The following NLGN4X variants were observed in gnomAD, a reference collection of about 807,000 sequenced individuals.
The protein encoded by NLGN4X is neuroligin 4 X-linked, also known as neuroligin-4, X-linked.
Under a neutral mutation model 40.3 loss-of-function variants are expected in NLGN4X, and 3 were observed. The ratio of observed to expected loss-of-function variants is 0.07; its 90% confidence interval spans 0.03 to 0.19. NLGN4X has a LOEUF of 0.19. NLGN4X is among the 10% of genes least tolerant of loss of function. The probability of loss-of-function intolerance (pLI) is 1.00; values close to 1 mark genes in which losing one functional copy is unlikely to be tolerated. For synonymous variants in NLGN4X, 270 were observed against 306.8 expected (o/e 0.88, Z 1.25); for missense variants, 382 against 708.3 (o/e 0.54, Z 5.23).
intron 2 of NLGN4X, chrX:6,061,713 T>C (rs1009996705): frequency 2.6e-4 from 29 of 112,159 alleles, no homozygotes; most frequent in African/African-American, 8.7e-4. Flanking sequence ...ACTTTTTCCT[T>C]GCATCTGTAG....
In NLGN4X at chrX:6,032,202, AG is replaced by A. The variant is rs763672227; in HGVS notation, c.473-2771del. On this transcript the variant is annotated intron_variant, in intron 2 of 5. Transcript: ENST00000381095. ...TATGTTGGAATCAATATGTTTGTGA[AG>A]AAAAAAAAAACTGATATTTCAGCCC... 2.2e-3 allele frequency among the ~76,000 whole-genome samples: 194 copies of A among 88,927 alleles called. 2 individuals are homozygous for A. Among genetic ancestry groups the A allele is most frequent in the African/African-American group, 7.7e-3 (187 of 24,383 alleles). The allele number at this position is 88,927 out of a possible 115,157, so 77.2% of individuals were successfully genotyped here.
At chrX:5,959,961 C>T (rs193218096) in intron 3 of NLGN4X, among the ~76,000 whole-genome samples, 2 of 111,084 alleles carry the variant, frequency 1.8e-5, no homozygotes, top group African/African-American at 6.5e-5. Flanking sequence ...GTATGTCTAA[C>T]TTATTCCACT....
chrX:5,978,495 T>C (rs1049894599), intron 3 of NLGN4X, among the ~76,000 whole-genome samples: 1 of 111,092 alleles, frequency 9.0e-6, no homozygotes, highest in Non-Finnish European at 1.9e-5. Flanking sequence ...CTGAAGGCTC[T>C]TGTCTAATTT....
rs768441183 is a variant in NLGN4X, at chrX:6,028,253, T to C, written c.625+1027A>G. Among the ~76,000 whole-genome samples the C allele has an allele frequency of 2.7e-5, 3 of 112,224 alleles. No homozygotes were observed. In the South Asian group the frequency reaches 1.1e-3, roughly 42 times the overall value. On this transcript the variant is annotated intron_variant, in intron 3 of 5. Transcript: ENST00000381095. ...TTTTTGCCTGGAAAACAAATGTTTTTACATAGGTCTTAGGAATATTATTCA... is the reference window on the plus strand; with the variant it reads ...TTTTTGCCTGGAAAACAAATGTTTTCACATAGGTCTTAGGAATATTATTCA...
rs993901273 is a variant in NLGN4X, at chrX:5,891,344, G to T, written c.*1473C>A. ...TATAATATTCACCGTTTGGTGACCG[G>T]ATACACAAATCCACAAAAAGTGATG... On this transcript the variant is annotated 3_prime_UTR_variant, in exon 6 of 6. Coordinates refer to ENST00000381095, the MANE Select transcript of NLGN4X (RefSeq NM_181332.3). 18 of 215,551 alleles carry T rather than the reference G, an allele frequency of 8.4e-5. No homozygotes were observed. The highest frequency in any genetic ancestry group is 1.1e-4 in the Non-Finnish European group (13 of 118,925). The allele number at this position is 215,551 out of a possible 1,213,427, so 17.8% of individuals were successfully genotyped here. A position where few individuals can be genotyped will look rare whatever the true frequency, so the allele number is the denominator to read the frequency against.
rs1471572863 is a variant in NLGN4X, at chrX:5,957,379, G to GT, written c.626-48141dup. On this transcript the variant is annotated intron_variant, in intron 3 of 5. Coordinates refer to ENST00000381095, the MANE Select transcript of NLGN4X (RefSeq NM_181332.3). ...AGACCCCAGATTCGGGATTTAAGAG[G>GT]TTTTCACATAAGCACGAATCAGTAC... Among the ~76,000 whole-genome samples, 3 of 111,828 alleles carry GT rather than the reference G, an allele frequency of 2.7e-5. No individual in the cohort carries two copies. In the East Asian group the frequency reaches 8.4e-4, roughly 31 times the overall value.
chrX:6,144,569 T>C (rs1335717926), intron 2 of NLGN4X, among the ~76,000 whole-genome samples: 1 of 111,388 alleles, frequency 9.0e-6, no homozygotes, highest in African/African-American at 3.3e-5. Context: ...AAAATCTGTT[T>C]CCCTGTCTCT....
intron 1 of NLGN4X, among the ~76,000 whole-genome samples, chrX:6,173,106 G>A (rs1317450329): frequency 2.7e-5 from 3 of 112,284 alleles, no homozygotes; most frequent in African/African-American, 9.7e-5. Context: ...ACATCTCTGG[G>A]TCCTTCTATT....
intron 2 of NLGN4X, among the ~76,000 whole-genome samples, chrX:6,106,056 G>A (rs921589436): frequency 1.8e-5 from 2 of 111,407 alleles, no homozygotes; most frequent in African/African-American, 6.5e-5. Flanking sequence ...TCTGTTTTAT[G>A]CAGCACCCTC....
intron 3 of NLGN4X, among the ~76,000 whole-genome samples, chrX:5,969,767 AC>A (rs2034961316): frequency 9.0e-6 from 1 of 110,544 alleles, no homozygotes. Context: ...AAGACTTGGA[AC>A]CAACCCAAAT....
At position 6,227,053 on chromosome X, in the gene NLGN4X, G is replaced by A. The variant is rs1038245363; in HGVS notation, c.-306+1488C>T. The stretch of plus-strand genomic sequence containing the variant: ...CTCCTCCGCCGCCGGCTGCGCGCTT[G>A]GCGGATCTTCTCCATCAGTTCTGCC... On this transcript the variant is annotated intron_variant, in intron 1 of 5. Transcript: ENST00000381095. The A allele has an allele frequency of 4.4e-5, 5 of 113,107 alleles. No homozygotes were observed. The South Asian group carries it at 1.8e-3, about 41-fold the overall frequency. 9.3% of individuals were successfully genotyped at this position (113,107 alleles called of 1,213,427 possible).
chrX:6,035,638 AC>A (rs2036984210), intron 2 of NLGN4X, among the ~76,000 whole-genome samples: 1 of 111,087 alleles, frequency 9.0e-6, no homozygotes, highest in African/African-American at 3.3e-5. Context: ...TTATTTCTAA[AC>A]CCTTATAATT....
chrX:6,115,834 A>G (rs904394934), intron 2 of NLGN4X, among the ~76,000 whole-genome samples: 4 of 111,544 alleles, frequency 3.6e-5, no homozygotes, highest in Non-Finnish European at 5.6e-5. Flanking sequence ...GGCTCTCAAG[A>G]TGCAACATCT....
At chrX:5,940,611 A>C (rs1231649316) in intron 3 of NLGN4X, among the ~76,000 whole-genome samples, 117 of 105,970 alleles carry the variant, frequency 1.1e-3, no homozygotes, top group African/African-American at 4.0e-3. Flanking sequence ...AAAAAAAAAA[A>C]CTTTTTTTTT....
intron 2 of NLGN4X, among the ~76,000 whole-genome samples, chrX:6,084,163 A>C (rs952231490): frequency 8.9e-6 from 1 of 112,548 alleles, no homozygotes; most frequent in African/African-American, 3.2e-5. Context: ...AAATTGATAT[A>C]GGATCATCAC....
At chrX:6,178,828 G>A (rs1358076318) in intron 1 of NLGN4X, among the ~76,000 whole-genome samples, 1 of 111,281 alleles carries the variant, frequency 9.0e-6, no homozygotes, top group African/African-American at 3.3e-5. Flanking sequence ...ACGTGGCTGG[G>A]CGTGGCGGCT....
chrX:6,124,051 T>C (rs1602273406), intron 2 of NLGN4X, among the ~76,000 whole-genome samples: 1 of 110,394 alleles, frequency 9.1e-6, no homozygotes, highest in South Asian at 3.8e-4. Context: ...CTAAAAATTT[T>C]AAATATAAAA....
chrX:5,893,182 G>A lies in NLGN4X; in HGVS notation c.2086C>T (p.Leu696=), dbSNP rs752239078. 18 of 1,209,698 alleles carry A rather than the reference G, an allele frequency of 1.5e-5. No individual in the cohort carries two copies. Among genetic ancestry groups the A allele is most frequent in the Non-Finnish European group, 1.9e-5 (17 of 895,147 alleles). ...LFLNILAFAA[L]YYKKDKRRHE... is the part of the protein sequence containing the mutation. Reference sequence around the variant, plus strand: ...CGCCTCTTGTCCTTTTTGTAGTACAGCGCCGCAAAAGCTAAGATGTTGAGG... The same window carrying A: ...CGCCTCTTGTCCTTTTTGTAGTACAACGCCGCAAAAGCTAAGATGTTGAGG... The change falls in exon 6 of 6, where the codon CTG becomes TTG. Residue 696 remains leucine, a synonymous_variant. Transcript: ENST00000381095.
chrX:6,195,998 T>C (rs760744125), intron 1 of NLGN4X, among the ~76,000 whole-genome samples: 1 of 111,084 alleles, frequency 9.0e-6, no homozygotes, highest in Admixed American at 9.6e-5. Context: ...CTCACTATTT[T>C]GCCCAGGCTG....
Sources: gnomAD v4.1 joint callset for allele counts (sites outside exome capture counted in the v4.1 genomes callset) on GRCh38, gnomAD v4.1.1 for gene constraint, MANE v1.5 for transcripts, NCBI Gene and HGNC (gene_info 2026-07-23, HGNC 2026-07-21) for gene names.